Variants in C5orf24 observed in about 807,000 individuals in gnomAD.
The protein encoded by C5orf24 is chromosome 5 open reading frame 24.
Under a neutral mutation model 9.8 loss-of-function variants are expected in C5orf24, and 4 were observed. The observed-to-expected ratio is 0.41, with a 90% CI of 0.20 to 0.93. The LOEUF (loss-of-function observed/expected upper bound fraction) is 0.93, where lower values mean the gene tolerates loss of function less well. Among genes scored for constraint, C5orf24 ranks in the 40% least tolerant of loss-of-function variants. The probability of loss-of-function intolerance (pLI) is 0.33; values close to 1 mark genes in which losing one functional copy is unlikely to be tolerated. For missense variants in C5orf24, 170 were observed against 236.9 expected, an observed-to-expected ratio of 0.72 and a Z score of 1.85; for synonymous variants, 73 against 81.3, an observed-to-expected ratio of 0.90 and a Z score of 0.55.
At chr5:134,846,712 T>C (rs1176849768) in intron 1 of C5orf24, 2 of 151,654 alleles carry the variant, frequency 1.3e-5, no homozygotes, top group Non-Finnish European at 2.9e-5. Flanking sequence ...ATAAGGAGAG[T>C]CCTTATTTGT....
intron 1 of C5orf24, among the ~76,000 whole-genome samples, chr5:134,851,296 G>A (rs1756155344): frequency 6.6e-6 from 1 of 152,162 alleles, no homozygotes. Flanking sequence ...TGACTTTGCA[G>A]TAAGAAAGAA....
Position 134,855,090 on chromosome 5 carries a change from T to C in C5orf24, c.190T>C (p.Leu64=). ...QRQDPLNETH[L]QTTSGRSIEI... is the part of the protein sequence containing the mutation. ...GCAAGACCCATTAAATGAAACACAC[T>C]TGCAGACTACAAGTGGCAGAAGCAT... The change falls in exon 2 of 2, where the codon TTG becomes CTG. Residue 64 remains leucine, a synonymous_variant. Coordinates refer to ENST00000394976, the MANE Select transcript of C5orf24 (RefSeq NM_001135586.1). The C allele has an allele frequency of 1.2e-6, 2 of 1,614,050 alleles. No homozygotes were observed. Among genetic ancestry groups the C allele is most frequent in the South Asian group, 2.2e-5 (2 of 91,070 alleles).
upstream of C5orf24, among the ~76,000 whole-genome samples, chr5:134,842,444 TG>T (rs1337048630): frequency 4.0e-5 from 6 of 150,772 alleles, no homozygotes; most frequent in African/African-American, 1.5e-4. Context: ...GAGCCAAGAT[TG>T]GGCCATAATC....
At chr5:134,834,896 T>C in the C5orf24 span, among the ~76,000 whole-genome samples, 1 of 152,014 alleles carries the variant, frequency 6.6e-6, no homozygotes, top group Admixed American at 6.6e-5. Context: ...ATAAAAAAAA[T>C]TAGCCGGTGT....
At chr5:134,839,906 A>G in the C5orf24 span, among the ~76,000 whole-genome samples, 1 of 151,988 alleles carries the variant, frequency 6.6e-6, no homozygotes, top group African/African-American at 2.4e-5. Flanking sequence ...ATGTTGGTCA[A>G]GCTGGTCTCA....
chr5:134,845,946 C>G (rs935366369), upstream of C5orf24: 2 of 152,360 alleles, frequency 1.3e-5, no homozygotes, highest in Admixed American at 1.3e-4. Flanking sequence ...GCGGCCCTCG[C>G]GAGCTCGCGC....
chr5:134,839,582 T>A, the C5orf24 span, among the ~76,000 whole-genome samples: 253 of 152,246 alleles, frequency 1.7e-3, 1 homozygote, highest in African/African-American at 5.9e-3. Flanking sequence ...ATTATTAGAA[T>A]ATGTCAATAC....
the C5orf24 span, chr5:134,833,634 C>T: frequency 2.0e-5 from 3 of 152,126 alleles, no homozygotes; most frequent in African/African-American, 7.2e-5. Context: ...GTAAAAATTC[C>T]CTGATATGTT....
At chr5:134,851,203 T>TA (rs1756153196) in intron 1 of C5orf24, among the ~76,000 whole-genome samples, 1 of 152,102 alleles carries the variant, frequency 6.6e-6, no homozygotes, top group Admixed American at 6.6e-5. Flanking sequence ...GCTGGGATTG[T>TA]AGGCGTGAGC....
At chr5:134,851,870 G>A (rs948269404) in intron 1 of C5orf24, among the ~76,000 whole-genome samples, 5 of 152,178 alleles carry the variant, frequency 3.3e-5, no homozygotes, top group Non-Finnish European at 5.9e-5. Flanking sequence ...ACTATGTTTG[G>A]AACTCATCTT....
the C5orf24 span, among the ~76,000 whole-genome samples, chr5:134,840,200 G>C: frequency 2.0e-5 from 3 of 151,714 alleles, 1 homozygote; most frequent in African/African-American, 7.3e-5. Flanking sequence ...CCAGCTACTC[G>C]GGAGGCTGCG....
the C5orf24 span, among the ~76,000 whole-genome samples, chr5:134,840,285 G>A: frequency 3.0e-4 from 38 of 125,060 alleles, no homozygotes; most frequent in Middle Eastern, 5.8e-3. Flanking sequence ...ACAGCCTGGC[G>A]ACAGAGCGAG....
chr5:134,838,103 A>G, the C5orf24 span, among the ~76,000 whole-genome samples: 2 of 152,256 alleles, frequency 1.3e-5, no homozygotes, highest in Admixed American at 6.5e-5. Context: ...AAACAAAACA[A>G]AAACACTTGT....
intron 1 of C5orf24, among the ~76,000 whole-genome samples, chr5:134,853,477 AG>A (rs1205612279): frequency 6.7e-6 from 1 of 149,072 alleles, no homozygotes; most frequent in Non-Finnish European, 1.5e-5. Context: ...AAAAAATCAC[AG>A]GGATGTCCTT....
At position 134,855,244 on chromosome 5, in the gene C5orf24, C is replaced by G; in HGVS notation, c.344C>G (p.Ala115Gly). 1.2e-6 allele frequency: 2 copies of G among 1,614,206 alleles called. No homozygotes were observed. Among genetic ancestry groups the G allele is most frequent in the Non-Finnish European group, 1.7e-6 (2 of 1,180,040 alleles). ...GGCAGACCCCTGGGAACCACCAAAG[C>G]AGCTGGATTTAAGACAAGTCCAGGC... ...STGRPLGTTK[A>G]AGFKTSPGRP... The change falls in exon 2 of 2, where the codon GCA (alanine) becomes GGA (glycine). Residue 115 changes from alanine to glycine, a missense_variant. Around this residue, in one of 3 missense-constraint regions of C5orf24, gnomAD observed 21 missense variants for 72.2 expected, o/e 0.29. Transcript: ENST00000394976.
the C5orf24 span, among the ~76,000 whole-genome samples, chr5:134,834,936 C>T: frequency 1.3e-5 from 2 of 151,772 alleles, no homozygotes; most frequent in Admixed American, 6.6e-5. Context: ...CCCAGCTACT[C>T]GGGAGGCTGA....
upstream of C5orf24, among the ~76,000 whole-genome samples, chr5:134,843,483 G>A (rs1181441960): frequency 2.6e-5 from 4 of 152,114 alleles, no homozygotes; most frequent in Admixed American, 2.6e-4. Context: ...ATCCAGGCTG[G>A]AGTGCAGTGG....
chr5:134,849,249 C>T (rs947539091), intron 1 of C5orf24, among the ~76,000 whole-genome samples: 1 of 150,560 alleles, frequency 6.6e-6, no homozygotes, highest in South Asian at 2.1e-4. Flanking sequence ...AGCTAGACTT[C>T]GTCTCAAAAA....
In C5orf24 at chr5:134,845,975, C is replaced by T. The variant is rs1304522551; in HGVS notation, c.-241C>T. ...CTCGCGCACGCCGCCTCTAACACTA[C>T]AGGGTGGTAGCGGCCTCTTCGTACT... On this transcript the variant is annotated 5_prime_UTR_variant, in exon 1 of 2. Transcript: ENST00000394976. The T allele has an allele frequency of 6.6e-6, 1 of 152,252 alleles. No individual in the cohort carries two copies. Among genetic ancestry groups the T allele is most frequent in the Non-Finnish European group, 1.5e-5 (1 of 68,068 alleles). The allele number at this position is 152,252 out of a possible 1,614,324, so 9.4% of individuals were successfully genotyped here.
Sources: gnomAD v4.1 joint callset for allele counts (sites outside exome capture counted in the v4.1 genomes callset) on GRCh38, gnomAD v4.1.1 for gene constraint, gnomAD v4.1.1 regional missense constraint, MANE v1.5 for transcripts, NCBI Gene and HGNC (gene_info 2026-07-23, HGNC 2026-07-21) for gene names.